Variants in SCN1A observed in about 807,000 individuals in gnomAD.
The protein encoded by SCN1A is sodium channel protein type 1 subunit alpha.
SCN1A carries 13 observed loss-of-function variants against 193.7 expected under a neutral mutation model. The observed-to-expected ratio is 0.07, with a 90% CI of 0.04 to 0.11. SCN1A has a LOEUF of 0.11. Ranked by LOEUF, SCN1A falls within the 10% of genes least tolerant of loss-of-function variation. The probability of loss-of-function intolerance (pLI) is 1.00; values close to 1 mark genes in which losing one functional copy is unlikely to be tolerated. For missense variants in SCN1A, 1,432 were observed against 2,451.1 expected, an observed-to-expected ratio of 0.58 and a Z score of 8.78; for synonymous variants, 781 against 843.6, an observed-to-expected ratio of 0.93 and a Z score of 1.29.
chr2:166,058,279 T>C (rs541258119), intron 5 of SCN1A, among the ~76,000 whole-genome samples: 225 of 152,216 alleles, frequency 1.5e-3, no homozygotes, highest in African/African-American at 5.1e-3. Context: ...TAAACATGGT[T>C]ATCTTACTTT....
intron 19 of SCN1A, chr2:166,027,293 A>G (rs1000613100): frequency 6.6e-6 from 1 of 152,200 alleles, no homozygotes; most frequent in Non-Finnish European, 1.5e-5. Context: ...AATGCTCTTT[A>G]CTATAGCAAA....
intron 19 of SCN1A, among the ~76,000 whole-genome samples, chr2:166,022,638 G>T (rs185852921): frequency 4.9e-4 from 74 of 152,278 alleles, no homozygotes; most frequent in Admixed American, 1.9e-3. Context: ...TGTATGGGCA[G>T]GACCTGTGAC....
chr2:166,136,210 A>G (rs1343006971), intron 1 of SCN1A, among the ~76,000 whole-genome samples: 5 of 152,134 alleles, frequency 3.3e-5, no homozygotes, highest in Admixed American at 2.0e-4. Context: ...AGAGCAGGCT[A>G]AATAAAGTAG....
intron 1 of SCN1A, among the ~76,000 whole-genome samples, chr2:166,148,683 A>C (rs1441301124): frequency 6.6e-6 from 1 of 152,252 alleles, no homozygotes; most frequent in Admixed American, 6.5e-5. Flanking sequence ...GCAAATTTGC[A>C]GCCAGAGACA....
At chr2:166,145,116 G>T (rs1348682068) in intron 1 of SCN1A, among the ~76,000 whole-genome samples, 1 of 147,940 alleles carries the variant, frequency 6.8e-6, no homozygotes, top group Non-Finnish European at 1.5e-5. Flanking sequence ...GATTACAGGC[G>T]TGAGCCACTG....
Position 166,012,142 on chromosome 2 carries a change from A to G in SCN1A, c.3846T>C (p.Asn1282=). Residue 1282 remains asparagine (N), a synonymous_variant, in exon 22 of 29, where the codon AAT becomes AAC. Transcript: ENST00000674923. The part of the protein sequence containing the change: ...VAYGYQTYFT[N]AWCWLDFLIV... The stretch of plus-strand genomic sequence containing the variant: ...TTAAGAAGTCCAGCCAACACCAGGC[A>G]TTGGTGAAATATGTTTGATAGCCAT... 1.2e-6 allele frequency: 2 copies of G among 1,610,344 alleles called. No homozygotes were observed. The highest frequency in any genetic ancestry group is 1.7e-6 in the Non-Finnish European group (2 of 1,177,290).
intron 19 of SCN1A, 147 bp from the exon 20 acceptor site, chr2:166,015,874 A>C: frequency 1.2e-6 from 1 of 811,448 alleles, no homozygotes; most frequent in Admixed American, 2.4e-5. Context: ...AATAAGGGGA[A>C]GAAATAAGAA....
At chr2:166,111,314 A>G (rs116388452) in intron 2 of SCN1A, among the ~76,000 whole-genome samples, 4,445 of 152,206 alleles carry the variant, frequency 0.029, 220 homozygotes, top group African/African-American at 0.1. Flanking sequence ...AGGGCCCTTA[A>G]GAAGTATGCT....
chr2:166,103,449 T>TTAAG (rs1263392657), intron 2 of SCN1A, among the ~76,000 whole-genome samples: 2 of 142,988 alleles, frequency 1.4e-5, no homozygotes, highest in African/African-American at 5.2e-5. Flanking sequence ...AGACTCTGTC[T>TTAAG]TAAATAAATA....
chr2:166,126,771 C>A (rs142363253), intron 2 of SCN1A, among the ~76,000 whole-genome samples, 153 bp downstream of exon 2: 67 of 152,296 alleles, frequency 4.4e-4, no homozygotes, highest in Middle Eastern at 3.4e-3. Flanking sequence ...CAGTAATATA[C>A]CCTGCCTTGA....
At chr2:166,075,872 G>C (rs563429492) in intron 3 of SCN1A, among the ~76,000 whole-genome samples, 1 of 151,902 alleles carries the variant, frequency 6.6e-6, no homozygotes, top group African/African-American at 2.4e-5. Context: ...GGACAAAGAT[G>C]AGAGCATATT....
intron 2 of SCN1A, among the ~76,000 whole-genome samples, chr2:166,109,768 C>A (rs1245312513): frequency 2.0e-5 from 3 of 152,124 alleles, no homozygotes; most frequent in African/African-American, 7.2e-5. Flanking sequence ...ACTGCTCCAC[C>A]AACATGCTGT....
intron 9 of SCN1A, among the ~76,000 whole-genome samples, chr2:166,051,312 C>A (rs893566537): frequency 1.2e-4 from 18 of 151,710 alleles, no homozygotes; most frequent in African/African-American, 4.4e-4. Context: ...TATTTAAAAT[C>A]CAGGGGGTAG....
At chr2:166,027,000 T>C (rs1694883262) in intron 19 of SCN1A, 2 of 152,228 alleles carry the variant, frequency 1.3e-5, no homozygotes, top group Non-Finnish European at 2.9e-5. Flanking sequence ...ACCTTAAATT[T>C]TACCAATTTC....
At chr2:166,147,772 A>G (rs1389593393) in intron 1 of SCN1A, among the ~76,000 whole-genome samples, 5 of 152,222 alleles carry the variant, frequency 3.3e-5, no homozygotes, top group Admixed American at 3.3e-4. Flanking sequence ...ACAGCATACA[A>G]TTGTAAGTGG....
chr2:166,008,378 A>C (rs936913067), intron 23 of SCN1A, among the ~76,000 whole-genome samples: 14 of 151,194 alleles, frequency 9.3e-5, no homozygotes, highest in African/African-American at 2.9e-4. Flanking sequence ...AAAATATATT[A>C]TTTTGATTCA....
chr2:166,074,494 A>G (rs1433251785), intron 3 of SCN1A, among the ~76,000 whole-genome samples: 2 of 152,166 alleles, frequency 1.3e-5, no homozygotes, highest in African/African-American at 2.4e-5. Context: ...TCACTGAAGC[A>G]ATAATGAAAT....
chr2:166,063,771 C>G (rs895817948), intron 4 of SCN1A, among the ~76,000 whole-genome samples: 2 of 151,998 alleles, frequency 1.3e-5, no homozygotes, highest in African/African-American at 4.8e-5. Flanking sequence ...CCCAACATAT[C>G]TGAATTATTA....
chr2:166,087,699 G>A (rs1378034096), intron 2 of SCN1A, among the ~76,000 whole-genome samples: 1 of 151,904 alleles, frequency 6.6e-6, no homozygotes, highest in Non-Finnish European at 1.5e-5. Context: ...TTCTTTTATA[G>A]CAATACTAAA....
Sources: gnomAD v4.1 joint callset for allele counts (sites outside exome capture counted in the v4.1 genomes callset) on GRCh38, gnomAD v4.1.1 for gene constraint, MANE v1.5 for transcripts, NCBI Gene and HGNC (gene_info 2026-07-23, HGNC 2026-07-21) for gene names.